Variants in SGCZ observed in about 807,000 individuals in gnomAD.
The protein encoded by SGCZ is zeta-sarcoglycan.
SGCZ carries 40 observed loss-of-function variants against 41.3 expected under a neutral mutation model. The observed-to-expected ratio is 0.97, with a 90% CI of 0.75 to 1.26. The LOEUF (loss-of-function observed/expected upper bound fraction) is 1.26, where lower values mean the gene tolerates loss of function less well. Ranked by LOEUF, SGCZ falls within the 50% of genes most tolerant of loss-of-function variation. The pLI is 0.00. For synonymous variants in SGCZ, 206 were observed against 137.5 expected (o/e 1.50, Z -3.49); for missense variants, 552 against 369.8 (o/e 1.49, Z -4.04).
At chr8:14,946,005 C>CATATATATATAT (rs34647526) in intron 1 of SGCZ, among the ~76,000 whole-genome samples, 1 of 14,884 alleles carries the variant, frequency 6.7e-5, no homozygotes, top group Non-Finnish European at 1.2e-4. Flanking sequence ...TAAATGTCCC[C>CATATATATATAT]ATATATATAT....
intron 3 of SGCZ, among the ~76,000 whole-genome samples, chr8:14,294,138 A>T (rs2116953115): frequency 6.6e-6 from 1 of 152,040 alleles, no homozygotes; most frequent in East Asian, 1.9e-4. Context: ...ATATTGTAGA[A>T]TTTCTGAGAA....
chr8:15,007,404 T>C (rs1206422375), intron 1 of SGCZ, among the ~76,000 whole-genome samples: 1 of 152,234 alleles, frequency 6.6e-6, no homozygotes, highest in South Asian at 2.1e-4. Flanking sequence ...TTCAGCATTG[T>C]AGTTCTCTAA....
At position 14,515,995 on chromosome 8, in the gene SGCZ, G is replaced by GT. The variant is rs33923631; in HGVS notation, c.234+38736dup. On this transcript the variant is annotated intron_variant, in intron 2 of 7. Coordinates refer to ENST00000382080, the MANE Select transcript of SGCZ (RefSeq NM_139167.4). ...AGTAAGCAATAATTAGGAAGAAATA[G>GT]TTTTTTTTTAATTTAAGAATTACAT... Among the ~76,000 whole-genome samples, 990 of 151,308 alleles carry GT rather than the reference G, an allele frequency of 6.5e-3. 7 individuals carry two copies. Among genetic ancestry groups the GT allele is most frequent in the African/African-American group, 0.011 (461 of 41,300 alleles).
intron 2 of SGCZ, among the ~76,000 whole-genome samples, chr8:14,388,957 C>T (rs1387575139): frequency 2.6e-5 from 4 of 151,644 alleles, no homozygotes; most frequent in African/African-American, 7.3e-5. Context: ...TAACATTGTA[C>T]AATAAATATC....
chr8:14,611,815 C>T (rs2117341732), intron 1 of SGCZ, among the ~76,000 whole-genome samples: 1 of 151,994 alleles, frequency 6.6e-6, no homozygotes, highest in South Asian at 2.1e-4. Flanking sequence ...TATGTAAACA[C>T]AATAGATTGC....
At chr8:14,365,052 T>C (rs934961236) in intron 2 of SGCZ, among the ~76,000 whole-genome samples, 5 of 152,056 alleles carry the variant, frequency 3.3e-5, no homozygotes, top group Non-Finnish European at 7.4e-5. Context: ...AATGTTGACA[T>C]TTTAAGTAAT....
At chr8:14,948,087 T>C (rs1800512156) in intron 1 of SGCZ, among the ~76,000 whole-genome samples, 1 of 152,110 alleles carries the variant, frequency 6.6e-6, no homozygotes, top group South Asian at 2.1e-4. Flanking sequence ...AGGTACAGGG[T>C]TAAGGAGGAA....
intron 1 of SGCZ, among the ~76,000 whole-genome samples, chr8:14,581,695 C>T (rs1476131884): frequency 6.6e-6 from 1 of 152,100 alleles, no homozygotes; most frequent in African/African-American, 2.4e-5. Context: ...AAAAGCAAAG[C>T]ACTTACTGCA....
At chr8:15,110,593 T>A (rs796496477) in intron 1 of SGCZ, among the ~76,000 whole-genome samples, 2 of 152,210 alleles carry the variant, frequency 1.3e-5, no homozygotes, top group Non-Finnish European at 2.9e-5. Flanking sequence ...ACAATTCACA[T>A]GATGCTCAAG....
intron 1 of SGCZ, among the ~76,000 whole-genome samples, chr8:14,922,353 C>T (rs1277556008): frequency 6.6e-6 from 1 of 152,136 alleles, no homozygotes; most frequent in African/African-American, 2.4e-5. Flanking sequence ...ATCATGCACT[C>T]AGATGTGCTT....
intron 1 of SGCZ, among the ~76,000 whole-genome samples, chr8:14,755,129 A>AT (rs542275154): frequency 3.3e-5 from 5 of 151,888 alleles, no homozygotes; most frequent in Admixed American, 2.0e-4. Flanking sequence ...TTTTTCTGTA[A>AT]TTTTTTTACC....
At chr8:14,539,878 G>A (rs1803407260) in intron 2 of SGCZ, among the ~76,000 whole-genome samples, 1 of 151,954 alleles carries the variant, frequency 6.6e-6, no homozygotes, top group Non-Finnish European at 1.5e-5. Context: ...ATGTCAGATA[G>A]AAGTCCTTTG....
intron 5 of SGCZ, among the ~76,000 whole-genome samples, chr8:14,152,249 A>G (rs1474874265): frequency 6.6e-6 from 1 of 152,202 alleles, no homozygotes; most frequent in African/African-American, 2.4e-5. Flanking sequence ...AAAACTCACA[A>G]AGAATTCAAT....
At chr8:14,125,837 G>C (rs753171671) in intron 5 of SGCZ, among the ~76,000 whole-genome samples, 3 of 152,090 alleles carry the variant, frequency 2.0e-5, no homozygotes, top group Non-Finnish European at 4.4e-5. Flanking sequence ...ACATCCATCT[G>C]ATCTTTGACA....
At position 14,617,838 on chromosome 8, in the gene SGCZ, T is replaced by A. The variant is rs115492285; in HGVS notation, c.40-62912A>T. ...GATGGAAAAGTAAGTTTTTATAATTTTTTGTGTGTTTATGTGTGTGTGTGT... is the reference window on the plus strand; with the variant it reads ...GATGGAAAAGTAAGTTTTTATAATTATTTGTGTGTTTATGTGTGTGTGTGT... On this transcript the variant is annotated intron_variant, in intron 1 of 7. Coordinates refer to ENST00000382080, the MANE Select transcript of SGCZ (RefSeq NM_139167.4). 6.3e-3 allele frequency among the ~76,000 whole-genome samples: 626 copies of A among 98,696 alleles called. 4 individuals are homozygous for A. The highest frequency in any genetic ancestry group is 0.018 in the African/African-American group (516 of 27,944). The allele number at this position is 98,696 out of a possible 152,430, so 64.7% of individuals were successfully genotyped here.
intron 1 of SGCZ, among the ~76,000 whole-genome samples, chr8:14,785,754 G>C (rs1800748951): frequency 6.6e-6 from 1 of 152,084 alleles, no homozygotes; most frequent in Non-Finnish European, 1.5e-5. Flanking sequence ...ATTCACACGG[G>C]CTTTAACTTG....
intron 1 of SGCZ, among the ~76,000 whole-genome samples, chr8:14,730,969 C>G (rs1390192772): frequency 2.0e-5 from 3 of 151,694 alleles, no homozygotes; most frequent in Non-Finnish European, 4.4e-5. Context: ...TTGTGGAAGA[C>G]AGTGTGGCTA....
intron 3 of SGCZ, among the ~76,000 whole-genome samples, chr8:14,318,430 A>G (rs1359605785): frequency 2.6e-5 from 4 of 152,044 alleles, no homozygotes; most frequent in Non-Finnish European, 5.9e-5. Flanking sequence ...AAGTCAAAAA[A>G]AAGATTATTT....
At chr8:15,093,123 A>C (rs1357546117) in intron 1 of SGCZ, among the ~76,000 whole-genome samples, 2 of 152,062 alleles carry the variant, frequency 1.3e-5, no homozygotes, top group Non-Finnish European at 2.9e-5. Flanking sequence ...CAGCCATAAT[A>C]AAAAAAATCA....
Sources: allele counts gnomAD v4.1 joint callset (sites outside exome capture counted in the v4.1 genomes callset), GRCh38; gene constraint gnomAD v4.1.1; transcripts MANE v1.5; gene names NCBI Gene and HGNC (gene_info 2026-07-23, HGNC 2026-07-21).